Variants in CENPU observed in about 807,000 individuals in gnomAD.
The protein encoded by CENPU is KSHV latent nuclear antigen interacting protein 1.
In CENPU, 46 loss-of-function variants were observed where a neutral mutation model predicts 56.7. The observed-to-expected ratio is 0.81, with a 90% CI of 0.64 to 1.04. The LOEUF (loss-of-function observed/expected upper bound fraction) is 1.04. CENPU is among the 50% of genes least tolerant of loss of function. The pLI is 0.00. For synonymous variants in CENPU, 166 were observed against 163.0 expected (o/e 1.02, Z -0.14); for missense variants, 510 against 490.1 (o/e 1.04, Z -0.38).
At chr4:184,702,493 G>T in intron 8 of CENPU, 52 bp from the exon 9 acceptor site, 2 of 1,350,664 alleles carry the variant, frequency 1.5e-6, no homozygotes, top group Non-Finnish European at 2.1e-6. Context: ...TTTGAAAGGT[G>T]TTTCATTTGC....
chr4:184,701,429 C>T (rs1279041023), intron 10 of CENPU, among the ~76,000 whole-genome samples: 4 of 152,068 alleles, frequency 2.6e-5, no homozygotes, highest in South Asian at 4.2e-4. Context: ...GGAAGGAAAA[C>T]GTATGTATTT....
chr4:184,723,711 C>T (rs993271321), intron 4 of CENPU, among the ~76,000 whole-genome samples: 3 of 151,826 alleles, frequency 2.0e-5, no homozygotes, highest in Non-Finnish European at 4.4e-5. Context: ...GACATGGTGG[C>T]ACGTGCCTGT....
chr4:184,732,538 G>A (rs2150234889), intron 1 of CENPU, among the ~76,000 whole-genome samples: 1 of 152,230 alleles, frequency 6.6e-6, no homozygotes. Context: ...GGGTCACATA[G>A]CCAGGTAACA....
chr4:184,703,135 AG>A (rs1036230328), intron 8 of CENPU, among the ~76,000 whole-genome samples: 17 of 152,332 alleles, frequency 1.1e-4, no homozygotes, highest in African/African-American at 4.1e-4. Flanking sequence ...TTATTCCCTA[AG>A]CCCTCTGGTA....
chr4:184,722,690 AAAAACAAAACAAAAC>A (rs199579853), intron 4 of CENPU, among the ~76,000 whole-genome samples: 2 of 147,162 alleles, frequency 1.4e-5, no homozygotes, highest in African/African-American at 5.1e-5. Context: ...ATGAACCAGT[AAAAACAAAACAAAAC>A]AAAACAAAAC....
At chr4:184,733,222 G>T in intron 1 of CENPU, 1 of 659,104 alleles carries the variant, frequency 1.5e-6, no homozygotes, top group Non-Finnish European at 1.9e-6. Flanking sequence ...GGCCACAGAA[G>T]TCTGGTCTCG....
chr4:184,724,529 C>T (rs1189261604), intron 4 of CENPU, among the ~76,000 whole-genome samples: 2 of 152,174 alleles, frequency 1.3e-5, no homozygotes, highest in African/African-American at 4.8e-5. Context: ...CAAACCAATG[C>T]ACTTCAGGGA....
chr4:184,715,286 T>A (rs913079295), intron 6 of CENPU, among the ~76,000 whole-genome samples: 3 of 152,120 alleles, frequency 2.0e-5, no homozygotes, highest in Non-Finnish European at 4.4e-5. Flanking sequence ...CCAAAAGATA[T>A]TATATGTCAA....
At chr4:184,715,765 T>C (rs912611153) in intron 6 of CENPU, among the ~76,000 whole-genome samples, 3 of 152,224 alleles carry the variant, frequency 2.0e-5, no homozygotes, top group Non-Finnish European at 2.9e-5. Flanking sequence ...TATCCATGAA[T>C]GGAATGTTAT....
intron 2 of CENPU, 133 bp downstream of exon 2, chr4:184,730,782 TGTGAG>T: frequency 1.8e-6 from 1 of 566,042 alleles, no homozygotes; most frequent in Middle Eastern, 3.0e-4. Context: ...CCGGAAAAAG[TGTGAG>T]GAAAATGAAC....
chr4:184,703,044 T>C (rs1292892031), intron 8 of CENPU, among the ~76,000 whole-genome samples: 1 of 152,154 alleles, frequency 6.6e-6, no homozygotes, highest in African/African-American at 2.4e-5. Flanking sequence ...GAGAGCACCA[T>C]TTTAAATAAC....
intron 1 of CENPU, among the ~76,000 whole-genome samples, chr4:184,732,785 C>T (rs1468970789): frequency 1.3e-5 from 2 of 152,024 alleles, no homozygotes; most frequent in Non-Finnish European, 2.9e-5. Context: ...GGGCGGATCA[C>T]GAGGTGAGGA....
chr4:184,714,375 T>C (rs1761022246), intron 6 of CENPU, among the ~76,000 whole-genome samples: 1 of 152,140 alleles, frequency 6.6e-6, no homozygotes, highest in Non-Finnish European at 1.5e-5. Context: ...GAGCTGCTGC[T>C]TCTCATACTT....
chr4:184,723,930 T>C (rs1219419231), intron 4 of CENPU, among the ~76,000 whole-genome samples: 3 of 149,418 alleles, frequency 2.0e-5, no homozygotes, highest in East Asian at 2.0e-4. Context: ...AATCTCAAAA[T>C]GACTTCTCAG....
chr4:184,695,506 A>T (rs1760255302), intron 12 of CENPU, 105 bp from the exon 13 acceptor site: 1 of 684,328 alleles, frequency 1.5e-6, no homozygotes, highest in African/African-American at 1.8e-5. Flanking sequence ...GCTTTCCATT[A>T]ACTACTCCTC....
intron 8 of CENPU, among the ~76,000 whole-genome samples, chr4:184,704,614 T>A (rs1389086069): frequency 6.6e-6 from 1 of 152,166 alleles, no homozygotes; most frequent in East Asian, 1.9e-4. Context: ...CCTTAATAAG[T>A]AAATTCTGAC....
chr4:184,710,632 A>T (rs1021969490), intron 7 of CENPU, among the ~76,000 whole-genome samples: 1 of 151,724 alleles, frequency 6.6e-6, no homozygotes, highest in African/African-American at 2.4e-5. Context: ...GAATCTGAAG[A>T]CCTTGGTTCT....
chr4:184,694,309 G>A lies in CENPU; in HGVS notation c.*979C>T. The A allele has an allele frequency of 7.5e-7, 1 of 1,325,936 alleles. No homozygotes were observed. Among genetic ancestry groups the A allele is most frequent in the Non-Finnish European group, 9.6e-7 (1 of 1,036,302 alleles). The allele number at this position is 1,325,936 out of a possible 1,614,324, so 82.1% of individuals were successfully genotyped here. A position where few individuals can be genotyped will look rare whatever the true frequency, so the allele number is the denominator to read the frequency against. ...AGAACTGTAGGTAATTTCAAATTTG[G>A]AGTTTCAAGTGTGTCTGAGCTTCAG... On this transcript the variant is annotated 3_prime_UTR_variant, in exon 13 of 13. Coordinates refer to ENST00000281453, the MANE Select transcript of CENPU (RefSeq NM_024629.4).
chr4:184,697,300 A>G (rs1760372648), intron 12 of CENPU, among the ~76,000 whole-genome samples: 1 of 152,210 alleles, frequency 6.6e-6, no homozygotes, highest in Non-Finnish European at 1.5e-5. Context: ...TCTTTCGAAC[A>G]TGGCTGAGTG....
Sources: gnomAD v4.1 joint callset for allele counts (sites outside exome capture counted in the v4.1 genomes callset) on GRCh38, gnomAD v4.1.1 for gene constraint, MANE v1.5 for transcripts, NCBI Gene and HGNC (gene_info 2026-07-23, HGNC 2026-07-21) for gene names.